The following PHRF1 variants were observed in gnomAD, a reference collection of about 807,000 sequenced individuals.
PHRF1 encodes the protein PHD and ring finger domains 1.
Under a neutral mutation model 128.9 loss-of-function variants are expected in PHRF1, and 53 were observed. That is an observed-to-expected ratio of 0.41 (90% confidence interval 0.33 to 0.52). PHRF1 has a LOEUF of 0.52. Ranked by LOEUF, PHRF1 falls within the 20% of genes least tolerant of loss-of-function variation. The pLI, the probability that PHRF1 is intolerant of heterozygous loss-of-function variation, is 0.21. For missense variants in PHRF1, 2,503 were observed against 2,284.5 expected, an observed-to-expected ratio of 1.10 and a Z score of -1.95; for synonymous variants, 1,178 against 980.6, an observed-to-expected ratio of 1.20 and a Z score of -3.76.
At chr11:607,042 G>C in intron 13 of PHRF1, 24 bp from the exon 14 acceptor site, 1 of 1,538,544 alleles carries the variant, frequency 6.5e-7, no homozygotes, top group Non-Finnish European at 8.7e-7. Flanking sequence ...GGAAATGATT[G>C]CCATTGACTT....
intron 1 of PHRF1, among the ~76,000 whole-genome samples, chr11:577,109 G>A (rs1853908609): frequency 6.6e-6 from 1 of 152,252 alleles, no homozygotes; most frequent in African/African-American, 2.4e-5. Context: ...TTCTGGCCTT[G>A]TCTGCATGTC....
Position 607,594 on chromosome 11 carries a change from G to T in PHRF1, c.2138G>T (p.Arg713Leu), listed in dbSNP as rs758747415. The change falls in exon 14 of 18, where the codon CGA becomes CTA. Residue 713 changes from arginine (R) to leucine (L), a missense_variant. Coordinates refer to ENST00000264555, the MANE Select transcript of PHRF1 (RefSeq NM_001286581.2). ...SIEIPSACIS[R>L]LTGREGTGQP... Reference sequence around the variant, plus strand: ...GAGATCCCCAGTGCCTGCATCAGCCGACTGACTGGCAGGGAGGGCACCGGG... The same window carrying T: ...GAGATCCCCAGTGCCTGCATCAGCCTACTGACTGGCAGGGAGGGCACCGGG... 6.2e-7 allele frequency: 1 copy of T among 1,612,354 alleles called. No individual in the cohort carries two copies. Among genetic ancestry groups the T allele is most frequent in the Non-Finnish European group, 8.5e-7 (1 of 1,179,816 alleles).
Position 608,824 on chromosome 11 carries a change from G to A in PHRF1, c.3368G>A (p.Cys1123Tyr). The change falls in exon 14 of 18, where the codon TGC (cysteine) becomes TAC (tyrosine). Residue 1123 changes from cysteine to tyrosine, a missense_variant. Transcript: ENST00000264555. Reference protein sequence around the residue: ...RSASRPRGRECSPTSSLERLC... With the variant: ...RSASRPRGREYSPTSSLERLC... ...GCGTCCAGACCTCGGGGAAGGGAGT[G>A]CTCCCCCACCAGCAGCCTGGAGAGG... 6.2e-7 allele frequency: 1 copy of A among 1,612,100 alleles called. No individual in the cohort carries two copies. Among genetic ancestry groups the A allele is most frequent in the Non-Finnish European group, 8.5e-7 (1 of 1,179,822 alleles).
Position 598,476 on chromosome 11 carries a change from C to T in PHRF1, c.998C>T (p.Thr333Ile). 6.2e-7 allele frequency: 1 copy of T among 1,610,014 alleles called. No individual in the cohort carries two copies. The highest frequency in any genetic ancestry group is 8.5e-7 in the Non-Finnish European group (1 of 1,179,520). ...AVYQRPLTPR[T>I]PARRKRKTRR... is the part of the protein sequence containing the mutation. ...TATCAGCGCCCCCTGACGCCGCGCA[C>T]TCCCGCCCGACGGAAGAGGAAGACA... is the stretch of plus-strand genomic sequence containing the variant. Residue 333 changes from threonine to isoleucine, a missense_variant, in exon 9 of 18, where the codon ACT (threonine) becomes ATT (isoleucine). Coordinates refer to ENST00000264555, the MANE Select transcript of PHRF1 (RefSeq NM_001286581.2).
chr11:612,001 T>G lies in PHRF1; in HGVS notation c.*224T>G. On this transcript the variant is annotated 3_prime_UTR_variant, in exon 18 of 18. Coordinates refer to ENST00000264555, the MANE Select transcript of PHRF1 (RefSeq NM_001286581.2). ...CAGTTGAAAACTGGACACTTTTGTA[T>G]GTATATTATAGAGACACTGTTTCCA... is the stretch of plus-strand genomic sequence containing the variant. The G allele has an allele frequency of 4.7e-6, 3 of 638,072 alleles. No homozygotes were observed. The highest frequency in any genetic ancestry group is 8.0e-6 in the Non-Finnish European group (3 of 375,960). The allele number at this position is 638,072 out of a possible 1,614,324, so 39.5% of individuals were successfully genotyped here.
chr11:604,874 C>T (rs970062435), intron 10 of PHRF1, among the ~76,000 whole-genome samples: 1 of 152,156 alleles, frequency 6.6e-6, no homozygotes, highest in Non-Finnish European at 1.5e-5. Context: ...AATGCTACTA[C>T]GACGTGATGG....
In PHRF1 at chr11:587,400, C is replaced by T. The variant is rs951005151; in HGVS notation, c.356C>T (p.Ala119Val). ...TGTCTCAACGCATTCAGAGACCAGGCCGTGGGGACGCCGGAGAACTGTGCC... is the reference window on the plus strand; with the variant it reads ...TGTCTCAACGCATTCAGAGACCAGGTCGTGGGGACGCCGGAGAACTGTGCC... Reference protein sequence around the residue: ...PICLNAFRDQAVGTPENCAHY... With the variant: ...PICLNAFRDQVVGTPENCAHY... The change falls in exon 4 of 18, where the codon GCC (alanine) becomes GTC (valine). Residue 119 changes from alanine (A) to valine (V), a missense_variant. Transcript: ENST00000264555. 37 of 1,613,740 alleles carry T rather than the reference C, an allele frequency of 2.3e-5. No homozygotes were observed. The highest frequency in any genetic ancestry group is 3.1e-5 in the Non-Finnish European group (36 of 1,179,902).
chr11:601,095 G>A (rs1855599393), intron 9 of PHRF1, among the ~76,000 whole-genome samples: 1 of 152,136 alleles, frequency 6.6e-6, no homozygotes, highest in African/African-American at 2.4e-5. Flanking sequence ...AGGTTGCAGT[G>A]AGGTAAGATC....
chr11:597,382 T>C lies in PHRF1; in HGVS notation c.719-13T>C. The C allele has an allele frequency of 6.2e-7, 1 of 1,608,068 alleles. No homozygotes were observed. Among genetic ancestry groups the C allele is most frequent in the Non-Finnish European group, 8.5e-7 (1 of 1,176,530 alleles). The stretch of plus-strand genomic sequence containing the variant: ...TGTGAGTGTGGCACATCAGCCCTGG[T>C]GGTTCTTCCCAGATGCGGGTCCCGT... On this transcript the variant is annotated splice_polypyrimidine_tract_variant and intron_variant, in intron 7 of 17. Coordinates refer to ENST00000264555, the MANE Select transcript of PHRF1 (RefSeq NM_001286581.2). The surrounding 1 kb of genome is among the most constrained non-coding windows in gnomAD (Gnocchi z 6.5).
At chr11:582,557 G>A (rs1333659674) in intron 3 of PHRF1, among the ~76,000 whole-genome samples, 4 of 151,594 alleles carry the variant, frequency 2.6e-5, no homozygotes, top group South Asian at 4.2e-4. Flanking sequence ...ACGGAGTCTC[G>A]CTCTGTCGCC....
At chr11:582,946 A>AT (rs1449589709) in intron 3 of PHRF1, among the ~76,000 whole-genome samples, 2 of 151,176 alleles carry the variant, frequency 1.3e-5, no homozygotes, top group East Asian at 2.0e-4. Flanking sequence ...AGGCAGGAGA[A>AT]TGGTGTGAAC....
chr11:582,423 C>T (rs1391574670), intron 3 of PHRF1, among the ~76,000 whole-genome samples: 1 of 152,092 alleles, frequency 6.6e-6, no homozygotes, highest in Non-Finnish European at 1.5e-5. Flanking sequence ...CACCATGACA[C>T]TTGGCTAATT....
chr11:597,064 A>C lies in PHRF1; in HGVS notation c.718+44A>C. The C allele has an allele frequency of 1.3e-6, 2 of 1,585,098 alleles. No homozygotes were observed. The highest frequency in any genetic ancestry group is 1.3e-5 in the African/African-American group (1 of 74,144). On this transcript the variant is annotated intron_variant, in intron 7 of 17. Transcript: ENST00000264555. This position sits in a 1 kb window ranked among gnomAD's most constrained non-coding sequence, Gnocchi z 6.5. ...TCCCAAGGCGCACATGGGCCTTCTC[A>C]CTGTCCACTCTGCGGTCCCCGGGGT...
Position 609,532 on chromosome 11 carries a change from G to T in PHRF1, c.4076G>T (p.Ser1359Ile). 1.2e-6 allele frequency: 2 copies of T among 1,601,338 alleles called. No homozygotes were observed. Among genetic ancestry groups the T allele is most frequent in the Non-Finnish European group, 1.7e-6 (2 of 1,176,440 alleles). ...PDAAEKAEAP[S>I]SPDVAPAGKE... is the part of the protein sequence containing the mutation. ...GCGGCTGAGAAGGCTGAGGCACCCAGTTCCCCGGATGTGGCGCCTGCGGGG... is the reference window on the plus strand; with the variant it reads ...GCGGCTGAGAAGGCTGAGGCACCCATTTCCCCGGATGTGGCGCCTGCGGGG... Residue 1359 changes from serine (S) to isoleucine (I), a missense_variant, in exon 14 of 18, where the codon AGT (serine) becomes ATT (isoleucine). By Grantham distance (142) the Ser-to-Ile change is moderately radical. Transcript: ENST00000264555.
rs558563090 is a variant in PHRF1, at chr11:598,159, G to C, written c.895-214G>C. ...CCCTCTCGTGTGCCCCTGGGATGCTGTCTGTCCCCCACCCGCCTTGCCCCC... is the reference window on the plus strand; with the variant it reads ...CCCTCTCGTGTGCCCCTGGGATGCTCTCTGTCCCCCACCCGCCTTGCCCCC... On this transcript the variant is annotated intron_variant, in intron 8 of 17. Transcript: ENST00000264555. Among the ~76,000 whole-genome samples, 22 of 152,356 alleles carry C rather than the reference G, an allele frequency of 1.4e-4. No homozygotes were observed. In the South Asian group the frequency reaches 4.3e-3, roughly 30 times the overall value.
In PHRF1 at chr11:610,522, C is replaced by G. The variant is rs778017670; in HGVS notation, c.4438C>G (p.Pro1480Ala). The stretch of plus-strand genomic sequence containing the variant: ...CCAGGTTTACAGCCCCGGCCTGCCG[C>G]CTGCCCCGGCCCAGCCCTCAAGCAT... ...PSQVYSPGLP[P>A]APAQPSSIPP... Residue 1480 changes from proline (P) to alanine (A), a missense_variant, in exon 16 of 18, where the codon CCT (proline) becomes GCT (alanine). Pro to Ala is a conservative substitution (Grantham distance 27). Coordinates refer to ENST00000264555, the MANE Select transcript of PHRF1 (RefSeq NM_001286581.2). 4.4e-6 allele frequency: 7 copies of G among 1,604,236 alleles called. No homozygotes were observed. In the East Asian group the frequency reaches 1.6e-4, roughly 36 times the overall value.
Position 605,621 on chromosome 11 carries a change from G to A in PHRF1, c.1351G>A (p.Ala451Thr), listed in dbSNP as rs757342196. 3.7e-6 allele frequency: 6 copies of A among 1,613,696 alleles called. No homozygotes were observed. Among genetic ancestry groups the A allele is most frequent in the Non-Finnish European group, 5.1e-6 (6 of 1,179,870 alleles). ...CCCCTCTAGCAGTGAAGAGCTTTCT[G>A]CAAACCCTCTTTCCCCTCTGAGTGC... ...DPFDSSEELS[A>T]NPLSPLSAKR... The change falls in exon 12 of 18, where the codon GCA becomes ACA. Residue 451 changes from alanine to threonine, a missense_variant. Transcript: ENST00000264555.
chr11:583,156 T>G (rs148101702), intron 3 of PHRF1, among the ~76,000 whole-genome samples: 1 of 151,202 alleles, frequency 6.6e-6, no homozygotes, highest in East Asian at 2.0e-4. Context: ...GTGGCTAACA[T>G]GGTGAAACCC....
intron 4 of PHRF1, among the ~76,000 whole-genome samples, chr11:588,917 C>G (rs1459964621): frequency 5.9e-5 from 9 of 151,958 alleles, no homozygotes; most frequent in Non-Finnish European, 7.4e-5. Flanking sequence ...GTGGGTGGAT[C>G]ATGAGGTCAA....
Sources: allele counts gnomAD v4.1 joint callset (sites outside exome capture counted in the v4.1 genomes callset), GRCh38; gene constraint gnomAD v4.1.1; non-coding constraint Gnocchi (gnomAD v3.1); transcripts MANE v1.5; gene names NCBI Gene and HGNC (gene_info 2026-07-23, HGNC 2026-07-21).